The following ZZEF1 variants were observed in gnomAD, a reference collection of about 807,000 sequenced individuals.
ZZEF1 encodes the protein zinc finger ZZ-type and EF-hand domain-containing protein 1.
In ZZEF1, 157 loss-of-function variants were observed where a neutral mutation model predicts 342.8. The ratio of observed to expected loss-of-function variants is 0.46; its 90% CI spans 0.40 to 0.52. The LOEUF (loss-of-function observed/expected upper bound fraction) is 0.52, where lower values mean the gene tolerates loss of function less well. Among genes scored for constraint, ZZEF1 ranks in the 20% least tolerant of loss-of-function variants. The probability of loss-of-function intolerance (pLI) is 0.00; values close to 1 mark genes in which losing one functional copy is unlikely to be tolerated. For missense variants in ZZEF1, 3,480 were observed against 3,725.6 expected (o/e 0.93, Z 1.72); for synonymous variants, 1,505 against 1,429.1 (o/e 1.05, Z -1.20).
chr17:4,135,247 A>G (rs1649421656), intron 1 of ZZEF1, among the ~76,000 whole-genome samples: 1 of 152,174 alleles, frequency 6.6e-6, no homozygotes, highest in Admixed American at 6.5e-5. Context: ...AGCCCAAGGC[A>G]GTAGGATTGC....
At chr17:4,070,973 AT>A in intron 25 of ZZEF1, 49 bp from the exon 26 acceptor site, 1 of 1,584,548 alleles carries the variant, frequency 6.3e-7, no homozygotes, top group Non-Finnish European at 8.6e-7. Flanking sequence ...CATTCAAAAA[AT>A]AAAATTTATT....
intron 28 of ZZEF1, among the ~76,000 whole-genome samples, chr17:4,065,950 G>A (rs868274455): frequency 6.6e-6 from 1 of 151,994 alleles, no homozygotes; most frequent in Non-Finnish European, 1.5e-5. Context: ...GGGCAACACA[G>A]TGAGACCCCT....
chr17:4,114,016 C>G (rs1482503941), intron 4 of ZZEF1, among the ~76,000 whole-genome samples: 1 of 151,990 alleles, frequency 6.6e-6, no homozygotes, highest in African/African-American at 2.4e-5. Flanking sequence ...AATACAGTCA[C>G]ATGTAAGTAC....
At chr17:4,136,475 G>A (rs772378949) in intron 1 of ZZEF1, among the ~76,000 whole-genome samples, 3 of 152,088 alleles carry the variant, frequency 2.0e-5, no homozygotes, top group Non-Finnish European at 2.9e-5. Context: ...TGGGTGAGGC[G>A]ACTGAGACAC....
At chr17:4,063,316 G>C (rs575292913) in intron 29 of ZZEF1, among the ~76,000 whole-genome samples, 2 of 152,198 alleles carry the variant, frequency 1.3e-5, no homozygotes, top group Non-Finnish European at 2.9e-5. Context: ...CTGGCTGGGT[G>C]TGGTGGCTCA....
chr17:4,092,813 G>T (rs1273527657), intron 11 of ZZEF1, among the ~76,000 whole-genome samples: 1 of 152,080 alleles, frequency 6.6e-6, no homozygotes, highest in African/African-American at 2.4e-5. Context: ...TCAGAGAACA[G>T]AGAGAAGCAA....
In ZZEF1 at chr17:4,021,194, C is replaced by A. The variant is rs145210955; in HGVS notation, c.7339G>T (p.Asp2447Tyr). The A allele has an allele frequency of 6.2e-7, 1 of 1,614,162 alleles. No individual in the cohort carries two copies. The highest frequency in any genetic ancestry group is 1.1e-5 in the South Asian group (1 of 91,066). Residue 2447 changes from aspartate to tyrosine, a missense_variant, in exon 45 of 55, where the codon GAC becomes TAC. Asp to Tyr is a radical substitution (Grantham distance 160). This residue lies in a region of ZZEF1 where 1,269 missense variants were observed against 1,342.4 expected (regional missense o/e 0.95). Transcript: ENST00000381638. ...EVERPVSSPG[D>Y]PEQKKLDPLE... The stretch of plus-strand genomic sequence containing the variant: ...GGGTCCAGCTTTTTCTGCTCTGGGT[C>A]GCCAGGGCTGCTGACTGGCCGTTCC...
rs1451493000 is a variant in ZZEF1, at chr17:4,057,495, C to T, written c.5165+499G>A. On this transcript the variant is annotated intron_variant, in intron 32 of 54. Coordinates refer to ENST00000381638, the MANE Select transcript of ZZEF1 (RefSeq NM_015113.4). ...TTTGAGTAGAGTGGAGAGATACGGGCCAAATCGGAGGGAAAAAACCCTTCA... is the reference window on the plus strand; with the variant it reads ...TTTGAGTAGAGTGGAGAGATACGGGTCAAATCGGAGGGAAAAAACCCTTCA... Among the ~76,000 whole-genome samples the T allele has an allele frequency of 2.0e-5, 3 of 152,096 alleles. No homozygotes were observed. The South Asian group carries it at 6.2e-4, about 31-fold the overall frequency.
At chr17:4,022,980 C>T (rs2056308739) in intron 43 of ZZEF1, 152 bp from the exon 44 acceptor site, 2 of 1,092,018 alleles carry the variant, frequency 1.8e-6, no homozygotes, top group Non-Finnish European at 2.6e-6. Context: ...CACTCCCCTG[C>T]TCTAACTTCC....
chr17:4,063,856 T>C (rs915419177), intron 29 of ZZEF1, among the ~76,000 whole-genome samples: 4 of 151,828 alleles, frequency 2.6e-5, no homozygotes, highest in African/African-American at 9.7e-5. Context: ...GCCTCCCGAG[T>C]AGCTGGGATT....
At chr17:4,013,130 G>A (rs57274588) in intron 52 of ZZEF1, among the ~76,000 whole-genome samples, 4,376 of 150,078 alleles carry the variant, frequency 0.029, 229 homozygotes, top group African/African-American at 0.1. Flanking sequence ...GTGGAGATCC[G>A]AATGGAACAA....
chr17:4,111,510 T>G (rs1199040616), intron 5 of ZZEF1, among the ~76,000 whole-genome samples: 1 of 150,868 alleles, frequency 6.6e-6, no homozygotes, highest in Non-Finnish European at 1.5e-5. Flanking sequence ...ATACAGAAAA[T>G]TAGGTGGGTA....
chr17:4,118,347 A>C (rs1390204200), intron 2 of ZZEF1, among the ~76,000 whole-genome samples: 1 of 152,166 alleles, frequency 6.6e-6, no homozygotes, highest in Admixed American at 6.6e-5. Flanking sequence ...GTTTCTACCA[A>C]GGCCCGGAGC....
rs2144942175 is a variant in ZZEF1 at position 4,014,330 on chromosome 17, A to C, written c.8314+17T>G. ...TGCCTGTGAAGAACCTATCTAATCGAGTATTTGTTTCACTACCTGGAAGTT... is the reference window on the plus strand; with the variant it reads ...TGCCTGTGAAGAACCTATCTAATCGCGTATTTGTTTCACTACCTGGAAGTT... On this transcript the variant is annotated intron_variant, in intron 50 of 54. Transcript: ENST00000381638. The surrounding 1 kb of genome is among the most constrained non-coding windows in gnomAD (Gnocchi z 4.4). 6.2e-7 allele frequency: 1 copy of C among 1,613,996 alleles called. No homozygotes were observed. The highest frequency in any genetic ancestry group is 8.5e-7 in the Non-Finnish European group (1 of 1,179,926).
At chr17:4,039,814 T>G (rs1325779105) in intron 39 of ZZEF1, among the ~76,000 whole-genome samples, 1 of 151,920 alleles carries the variant, frequency 6.6e-6, no homozygotes, top group Non-Finnish European at 1.5e-5. Context: ...TGGCTAATTT[T>G]TTTGTATTTT....
At position 4,076,741 on chromosome 17, in the gene ZZEF1, A is replaced by G. The variant is rs778489929; in HGVS notation, c.3130T>C (p.Phe1044Leu). The G allele has an allele frequency of 6.2e-7, 1 of 1,610,622 alleles. No homozygotes were observed. Among genetic ancestry groups the G allele is most frequent in the Non-Finnish European group, 8.5e-7 (1 of 1,177,470 alleles). The change falls in exon 21 of 55, where the codon TTC (phenylalanine) becomes CTC (leucine). Residue 1044 changes from phenylalanine (F) to leucine (L), a missense_variant. Physicochemically the swap from Phe to Leu is conservative, Grantham distance 22. Around this residue, in one of 5 missense-constraint regions of ZZEF1, gnomAD observed 1,528 missense variants for 1,624.1 expected, o/e 0.94. Coordinates refer to ENST00000381638, the MANE Select transcript of ZZEF1 (RefSeq NM_015113.4). ...ARQLVIFLLD[F>L]CTLDIPHCVL... ...CAGTGTGGGATGTCTAAAGTGCAGAAGTCCAGCAGGAAGATAACCTAATGG... is the reference window on the plus strand; with the variant it reads ...CAGTGTGGGATGTCTAAAGTGCAGAGGTCCAGCAGGAAGATAACCTAATGG...
At chr17:4,062,675 A>G in intron 30 of ZZEF1, 78 bp downstream of exon 30, 4 of 1,415,332 alleles carry the variant, frequency 2.8e-6, no homozygotes, top group Non-Finnish European at 3.8e-6. Flanking sequence ...TGATGCTGCT[A>G]TTAATCAGAG....
intron 53 of ZZEF1, chr17:4,009,160 GC>G: frequency 1.6e-6 from 1 of 625,410 alleles, no homozygotes; most frequent in Non-Finnish European, 2.8e-6. Flanking sequence ...GCCTCCACCT[GC>G]CCTTGGGTGA....
In ZZEF1 at chr17:4,032,131, T is replaced by C; in HGVS notation, c.6887A>G (p.Lys2296Arg). The change falls in exon 42 of 55, where the codon AAA (lysine) becomes AGA (arginine). Residue 2296 changes from lysine to arginine, a missense_variant. Coordinates refer to ENST00000381638, the MANE Select transcript of ZZEF1 (RefSeq NM_015113.4). ...AAAATAATTACGCATGGTACCTGTT[T>C]TCCTCTTCCGAGTTTTGACATCAAC... is the stretch of plus-strand genomic sequence containing the variant. ...VIVDVKTRKR[K>R]TVKDYQLVQK... The C allele has an allele frequency of 6.2e-7, 1 of 1,611,584 alleles. No individual in the cohort carries two copies. The highest frequency in any genetic ancestry group is 1.1e-5 in the South Asian group (1 of 90,400).
Sources: gnomAD v4.1 joint callset for allele counts (sites outside exome capture counted in the v4.1 genomes callset) on GRCh38, gnomAD v4.1.1 for gene constraint, gnomAD v4.1.1 regional missense constraint, Gnocchi (gnomAD v3.1) non-coding constraint, MANE v1.5 for transcripts, NCBI Gene and HGNC (gene_info 2026-07-23, HGNC 2026-07-21) for gene names.